The following UBE2K variants were observed in gnomAD, a reference collection of about 807,000 sequenced individuals.
The protein encoded by UBE2K is ubiquitin conjugating enzyme E2 K.
A neutral mutation model predicts 30.0 loss-of-function variants in UBE2K; 6 were observed. The observed-to-expected ratio is 0.20, with a 90% CI of 0.11 to 0.39. The LOEUF is 0.39. Ranked by LOEUF, UBE2K falls within the 10% of genes least tolerant of loss-of-function variation. The pLI, the probability that UBE2K is intolerant of heterozygous loss-of-function variation, is 1.00. For synonymous variants in UBE2K, 86 were observed against 83.7 expected (o/e 1.03, Z -0.15); for missense variants, 61 against 241.6 (o/e 0.25, Z 4.96).
At chr4:39,718,687 G>A (rs557112211) in intron 1 of UBE2K, among the ~76,000 whole-genome samples, 15 of 152,356 alleles carry the variant, frequency 9.8e-5, no homozygotes, top group South Asian at 2.1e-4. Context: ...TGAGCGCAGC[G>A]CTGGTGGGCC....
intron 3 of UBE2K, among the ~76,000 whole-genome samples, chr4:39,752,129 G>A (rs1180138609): frequency 6.6e-6 from 1 of 152,052 alleles, no homozygotes; most frequent in African/African-American, 2.4e-5. Flanking sequence ...TTTTTTGTAT[G>A]TGTTTGTTTT....
chr4:39,770,818 A>G (rs1712751272), intron 4 of UBE2K: 2 of 1,550,024 alleles, frequency 1.3e-6, no homozygotes, highest in South Asian at 2.5e-5. Context: ...TTGACGATGC[A>G]GATGTCAGAT....
rs186222079 is a variant in UBE2K at position 39,781,189 on chromosome 4, C to G, written c.*2755C>G. ...GAGGAACTAGGTACTGAATTAGGTGCTCTGAGTTGGCACCCCGAAATGTTT... is the reference window on the plus strand; with the variant it reads ...GAGGAACTAGGTACTGAATTAGGTGGTCTGAGTTGGCACCCCGAAATGTTT... On this transcript the variant is annotated 3_prime_UTR_variant, in exon 7 of 7. Transcript: ENST00000261427. The G allele has an allele frequency of 8.5e-5, 13 of 152,162 alleles. No homozygotes were observed. Among genetic ancestry groups the G allele is most frequent in the Admixed American group, 8.5e-4 (13 of 15,272 alleles). 9.4% of individuals were successfully genotyped at this position (152,162 alleles called of 1,614,324 possible).
intron 1 of UBE2K, among the ~76,000 whole-genome samples, chr4:39,732,817 A>G (rs1720146560): frequency 6.6e-6 from 1 of 151,732 alleles, no homozygotes; most frequent in African/African-American, 2.4e-5. Flanking sequence ...CTGGGATTAC[A>G]GACATGTGCT....
chr4:39,713,669 C>T (rs1718844042), intron 1 of UBE2K, among the ~76,000 whole-genome samples: 1 of 151,906 alleles, frequency 6.6e-6, no homozygotes. Flanking sequence ...CAGAACTTTT[C>T]ATCTTGCAAA....
intron 1 of UBE2K, 67 bp downstream of exon 1, chr4:39,698,457 C>A: frequency 1.4e-6 from 2 of 1,442,868 alleles, no homozygotes; most frequent in Non-Finnish European, 1.9e-6. Flanking sequence ...CAGCTGCGAC[C>A]CCGATATCCC....
chr4:39,748,473 C>G (rs1721090528), intron 3 of UBE2K, among the ~76,000 whole-genome samples: 1 of 152,126 alleles, frequency 6.6e-6, no homozygotes, highest in Non-Finnish European at 1.5e-5. Flanking sequence ...ACTACCTCAT[C>G]TTGCTATTGA....
At chr4:39,736,258 C>T (rs1406936133) in intron 1 of UBE2K, among the ~76,000 whole-genome samples, 1 of 152,022 alleles carries the variant, frequency 6.6e-6, no homozygotes, top group Admixed American at 6.6e-5. Context: ...GTCAGGAGTT[C>T]GAGACAAGCC....
chr4:39,732,979 C>G (rs1443524997), intron 1 of UBE2K, among the ~76,000 whole-genome samples: 1 of 146,858 alleles, frequency 6.8e-6, no homozygotes, highest in African/African-American at 2.5e-5. Context: ...CCTGGCCTAG[C>G]TGCTATAGCT....
At chr4:39,765,115 G>A (rs1661912809) in intron 4 of UBE2K, among the ~76,000 whole-genome samples, 4 of 152,088 alleles carry the variant, frequency 2.6e-5, no homozygotes, top group African/African-American at 9.6e-5. Flanking sequence ...TCAATCTCCT[G>A]ACCTCGTGAT....
intron 1 of UBE2K, among the ~76,000 whole-genome samples, chr4:39,701,760 GTT>G (rs200854243): frequency 2.1e-5 from 3 of 144,690 alleles, no homozygotes; most frequent in Admixed American, 6.9e-5. Context: ...TTTCTTTCAT[GTT>G]TTTTTTTTTT....
chr4:39,718,536 C>T lies in UBE2K; in HGVS notation c.64-18884C>T, dbSNP rs28749267. On this transcript the variant is annotated intron_variant, in intron 1 of 6. Transcript: ENST00000261427. The stretch of plus-strand genomic sequence containing the variant: ...CTGCACTCCTCAGCCCTTGGGCAGT[C>T]GATGGAACTGGGTGCCGTGGAGCAG... 5.9e-3 allele frequency among the ~76,000 whole-genome samples: 896 copies of T among 152,346 alleles called. 7 individuals carry two copies. Among genetic ancestry groups the T allele is most frequent in the African/African-American group, 0.02 (849 of 41,586 alleles).
intron 5 of UBE2K, among the ~76,000 whole-genome samples, chr4:39,776,340 T>C (rs887651531): frequency 6.6e-6 from 1 of 152,232 alleles, no homozygotes; most frequent in Non-Finnish European, 1.5e-5. Flanking sequence ...TCAACTGCTC[T>C]GATAGATCTC....
chr4:39,704,126 C>T (rs1029081937), intron 1 of UBE2K, among the ~76,000 whole-genome samples: 4 of 151,342 alleles, frequency 2.6e-5, no homozygotes, highest in Admixed American at 6.6e-5. Flanking sequence ...CGTGGTGGCT[C>T]ACATCGGTAA....
chr4:39,763,167 TC>T (rs144836513), intron 4 of UBE2K, among the ~76,000 whole-genome samples: 15,753 of 151,688 alleles, frequency 0.1, 1,079 homozygotes, highest in East Asian at 0.22. Context: ...GGTCTGGAAT[TC>T]CTGGGCTCAA....
At chr4:39,749,580 A>G (rs1428728762) in intron 3 of UBE2K, among the ~76,000 whole-genome samples, 2 of 152,124 alleles carry the variant, frequency 1.3e-5, no homozygotes, top group Admixed American at 6.6e-5. Flanking sequence ...TCAGGAGGCT[A>G]AGGCACAAGA....
intron 2 of UBE2K, among the ~76,000 whole-genome samples, chr4:39,738,755 G>A (rs541984476): frequency 3.4e-4 from 51 of 152,152 alleles, no homozygotes; most frequent in African/African-American, 1.2e-3. Flanking sequence ...TTGGCTCACT[G>A]CATCCTCCAT....
intron 1 of UBE2K, among the ~76,000 whole-genome samples, chr4:39,707,391 G>A (rs1718426388): frequency 6.6e-6 from 1 of 151,862 alleles, no homozygotes; most frequent in African/African-American, 2.4e-5. Context: ...ATTTTTAGTA[G>A]AGATGGGGTT....
intron 4 of UBE2K, chr4:39,770,713 C>T: frequency 4.4e-6 from 7 of 1,573,516 alleles, no homozygotes; most frequent in South Asian, 3.6e-5. Context: ...GCCAGCTCCC[C>T]AAGGTGGCCA....
Sources: allele counts gnomAD v4.1 joint callset (sites outside exome capture counted in the v4.1 genomes callset), GRCh38; gene constraint gnomAD v4.1.1; transcripts MANE v1.5; gene names NCBI Gene and HGNC (gene_info 2026-07-23, HGNC 2026-07-21).